Variants in UST observed in about 807,000 individuals in gnomAD.
UST encodes the protein chondroitin sulfate 2-O-sulfotransferase.
A neutral mutation model predicts 45.6 loss-of-function variants in UST; 21 were observed. That is an observed-to-expected ratio of 0.46 (90% CI 0.33 to 0.66). The LOEUF (loss-of-function observed/expected upper bound fraction) is 0.66. Ranked by LOEUF, UST falls within the 30% of genes least tolerant of loss-of-function variation. The probability of loss-of-function intolerance (pLI) is 0.02; values close to 1 mark genes in which losing one functional copy is unlikely to be tolerated. For synonymous variants in UST, 215 were observed against 200.6 expected, an observed-to-expected ratio of 1.07 and a Z score of -0.61; for missense variants, 463 against 512.4, an observed-to-expected ratio of 0.90 and a Z score of 0.93.
intron 1 of UST, among the ~76,000 whole-genome samples, chr6:148,752,441 T>G (rs1372216852): frequency 6.6e-6 from 1 of 152,208 alleles, no homozygotes; most frequent in African/African-American, 2.4e-5. Flanking sequence ...ATTGTGGGGT[T>G]GGTTGGGGAC....
At chr6:148,750,638 G>A (rs1202483090) in intron 1 of UST, among the ~76,000 whole-genome samples, 4 of 152,108 alleles carry the variant, frequency 2.6e-5, no homozygotes, top group African/African-American at 7.2e-5. Flanking sequence ...TCTAAAGATC[G>A]GGACTGGCTA....
chr6:148,884,942 G>T (rs536657589), intron 1 of UST, among the ~76,000 whole-genome samples: 143 of 152,242 alleles, frequency 9.4e-4, no homozygotes, highest in African/African-American at 3.2e-3. Context: ...TTTGGAGGAA[G>T]GGATATATTG....
chr6:149,028,149 T>C (rs1776077980), intron 7 of UST, among the ~76,000 whole-genome samples: 1 of 152,138 alleles, frequency 6.6e-6, no homozygotes, highest in Non-Finnish European at 1.5e-5. Context: ...CGGCCTAGTA[T>C]GTCATAATGA....
chr6:149,074,158 A>G lies in UST; in HGVS notation c.*42A>G. 4.4e-6 allele frequency: 7 copies of G among 1,592,524 alleles called. No individual in the cohort carries two copies. Among genetic ancestry groups the G allele is most frequent in the Non-Finnish European group, 6.0e-6 (7 of 1,167,064 alleles). On this transcript the variant is annotated 3_prime_UTR_variant, in exon 8 of 8. Coordinates refer to ENST00000367463, the MANE Select transcript of UST (RefSeq NM_005715.3). The stretch of plus-strand genomic sequence containing the variant: ...CTATGGCTTTATCTCCCTTTTCCAG[A>G]AAGTTCTTTGTTTGGGGAAGTAAAA...
chr6:148,919,295 G>A (rs1335227814), intron 2 of UST, among the ~76,000 whole-genome samples: 2 of 152,206 alleles, frequency 1.3e-5, no homozygotes, highest in Non-Finnish European at 1.5e-5. Context: ...GGTCTTGCCA[G>A]CTCACAGCTG....
At chr6:148,827,725 T>TA (rs200443668) in intron 1 of UST, among the ~76,000 whole-genome samples, 6,515 of 118,302 alleles carry the variant, frequency 0.055, 274 homozygotes, top group Admixed American at 0.14. Context: ...TTCTAGTTTG[T>TA]AAAAAAAAAA....
At chr6:148,915,488 A>G (rs531380745) in intron 2 of UST, among the ~76,000 whole-genome samples, 2 of 152,090 alleles carry the variant, frequency 1.3e-5, no homozygotes, top group Non-Finnish European at 2.9e-5. Flanking sequence ...CCAGACCCCA[A>G]ACAAGGATGT....
chr6:148,983,895 C>A (rs1432376800), intron 5 of UST, among the ~76,000 whole-genome samples: 1 of 152,210 alleles, frequency 6.6e-6, no homozygotes, highest in Admixed American at 6.5e-5. Flanking sequence ...CCACCACCCC[C>A]ACATCACACA....
chr6:149,007,115 C>CTTT (rs35867213), intron 5 of UST, among the ~76,000 whole-genome samples: 12 of 77,638 alleles, frequency 1.5e-4, no homozygotes, highest in South Asian at 5.5e-4. Context: ...TCCAGGCAAG[C>CTTT]TTTTTTTTTT....
At chr6:149,013,808 T>C (rs1775855776) in intron 5 of UST, among the ~76,000 whole-genome samples, 2 of 152,258 alleles carry the variant, frequency 1.3e-5, no homozygotes, top group Admixed American at 6.5e-5. Context: ...TGGACAAAAC[T>C]GATCCATGTT....
At chr6:148,858,646 C>G (rs533423608) in intron 1 of UST, among the ~76,000 whole-genome samples, 1 of 152,166 alleles carries the variant, frequency 6.6e-6, no homozygotes, top group Non-Finnish European at 1.5e-5. Flanking sequence ...ATCCCTCCCC[C>G]CTTGCCCCAC....
At chr6:148,936,306 AATT>A (rs1174388208) in intron 2 of UST, among the ~76,000 whole-genome samples, 1 of 152,134 alleles carries the variant, frequency 6.6e-6, no homozygotes, top group African/African-American at 2.4e-5. Context: ...TGAATGGATG[AATT>A]ATTCTAAATT....
chr6:148,812,948 G>A (rs1777286929), intron 1 of UST, among the ~76,000 whole-genome samples: 2 of 151,932 alleles, frequency 1.3e-5, no homozygotes, highest in Admixed American at 6.6e-5. Context: ...AAATGATAAG[G>A]GGGCATTTAC....
chr6:148,849,012 G>C (rs73778924), intron 1 of UST, among the ~76,000 whole-genome samples: 1 of 152,144 alleles, frequency 6.6e-6, no homozygotes, highest in Non-Finnish European at 1.5e-5. Flanking sequence ...TCGTGTCCAA[G>C]GGCAGGAGCA....
chr6:149,054,181 G>A (rs1229856876), intron 7 of UST, among the ~76,000 whole-genome samples: 3 of 152,088 alleles, frequency 2.0e-5, no homozygotes, highest in Admixed American at 6.5e-5. Context: ...AGGGGGGTGC[G>A]GTAGAATTAA....
At chr6:148,854,586 T>C (rs1778166995) in intron 1 of UST, among the ~76,000 whole-genome samples, 1 of 152,178 alleles carries the variant, frequency 6.6e-6, no homozygotes, top group African/African-American at 2.4e-5. Context: ...ATTTTAATAT[T>C]ACCATGCTTT....
intron 1 of UST, among the ~76,000 whole-genome samples, chr6:148,828,129 T>G (rs963491100): frequency 6.6e-6 from 1 of 152,104 alleles, no homozygotes; most frequent in African/African-American, 2.4e-5. Context: ...AATATATATA[T>G]TTGTCAAATA....
intron 7 of UST, chr6:149,027,553 T>G (rs527681841): frequency 1.8e-4 from 28 of 152,320 alleles, no homozygotes; most frequent in Middle Eastern, 6.8e-3. Context: ...TCAAAAATAT[T>G]CCTAGGCAGT....
At chr6:148,843,017 G>T (rs1338177656) in intron 1 of UST, among the ~76,000 whole-genome samples, 1 of 152,206 alleles carries the variant, frequency 6.6e-6, no homozygotes, top group South Asian at 2.1e-4. Flanking sequence ...TGTGGTCTAG[G>T]CACCTGAAGA....
Sources: allele counts gnomAD v4.1 joint callset (sites outside exome capture counted in the v4.1 genomes callset), GRCh38; gene constraint gnomAD v4.1.1; transcripts MANE v1.5; gene names NCBI Gene and HGNC (gene_info 2026-07-23, HGNC 2026-07-21).